Variants in DARS1 observed in about 807,000 individuals in gnomAD.
DARS1 encodes aspartate--tRNA ligase, cytoplasmic.
In DARS1, 51 loss-of-function variants were observed where a neutral mutation model predicts 68.8. The observed-to-expected ratio is 0.74, with a 90% confidence interval of 0.59 to 0.94. The LOEUF (loss-of-function observed/expected upper bound fraction) is 0.94. DARS1 is among the 40% of genes least tolerant of loss of function. DARS1 has a pLI of 0.00. For missense variants in DARS1, 607 were observed against 597.3 expected (o/e 1.02, Z -0.17); for synonymous variants, 203 against 190.4 (o/e 1.07, Z -0.55).
intron 4 of DARS1, among the ~76,000 whole-genome samples, chr2:135,944,702 A>T (rs576341688): frequency 2.0e-5 from 3 of 152,310 alleles, no homozygotes; most frequent in Admixed American, 6.5e-5. Flanking sequence ...ATGGCAAAAG[A>T]AGTAGTTGGT....
intron 3 of DARS1, among the ~76,000 whole-genome samples, chr2:135,968,972 T>C (rs1682301842): frequency 6.6e-6 from 1 of 152,086 alleles, no homozygotes; most frequent in African/African-American, 2.4e-5. Context: ...CAGGATTAAG[T>C]TTCAATATAG....
At chr2:135,924,919 T>C (rs1416755121) in intron 7 of DARS1, among the ~76,000 whole-genome samples, 2 of 152,226 alleles carry the variant, frequency 1.3e-5, no homozygotes. Context: ...ATAAAAACCA[T>C]GTATTTTTAT....
chr2:135,914,670 A>T, intron 11 of DARS1, 159 bp from the exon 12 acceptor site: 1 of 628,246 alleles, frequency 1.6e-6, no homozygotes. Flanking sequence ...AGTACTACTG[A>T]AAATCACTTA....
chr2:135,943,524 G>A, intron 4 of DARS1, 44 bp from the exon 5 acceptor site: 1 of 1,597,892 alleles, frequency 6.3e-7, no homozygotes, highest in Non-Finnish European at 8.5e-7. Flanking sequence ...CTCATCAGAG[G>A]TGTCAGAACT....
At chr2:135,921,091 T>C (rs1681102472) in intron 9 of DARS1, among the ~76,000 whole-genome samples, 2 of 150,036 alleles carry the variant, frequency 1.3e-5, no homozygotes, top group Non-Finnish European at 3.0e-5. Flanking sequence ...CTGAGGATAT[T>C]AAGAGCCATT....
In DARS1 at chr2:135,907,360, G is replaced by A; in HGVS notation, c.1462C>T (p.Gln488Ter). Residue 488 changes from glutamine (Q) to a stop codon, truncating the protein, a stop_gained, in exon 16 of 16, where the codon CAG becomes TAG. Coordinates refer to ENST00000264161, the MANE Select transcript of DARS1 (RefSeq NM_001349.4). LOFTEE classifies it high-confidence loss of function. ...GGATCACGAGGGAACATGGAGGTCT[G>A]ACGAACATTATGCAATCCCAGAAAC... Reference protein sequence around the residue: ...MLFLGLHNVRQTSMFPRDPKR... With the variant: ...MLFLGLHNVR The A allele has an allele frequency of 6.2e-7, 1 of 1,605,530 alleles. No individual in the cohort carries two copies. Among genetic ancestry groups the A allele is most frequent in the Non-Finnish European group, 8.5e-7 (1 of 1,175,086 alleles).
At chr2:135,967,532 C>T (rs1233139062) in intron 3 of DARS1, among the ~76,000 whole-genome samples, 1 of 152,124 alleles carries the variant, frequency 6.6e-6, no homozygotes, top group African/African-American at 2.4e-5. Flanking sequence ...TTTCTCCTTG[C>T]TCCTATTTAA....
chr2:135,958,128 G>C (rs975891389), intron 4 of DARS1, among the ~76,000 whole-genome samples: 6 of 152,104 alleles, frequency 3.9e-5, no homozygotes, highest in Non-Finnish European at 8.8e-5. Flanking sequence ...TCTGCAAAGA[G>C]TAATCTAAGA....
At chr2:135,978,142 C>CAAAA (rs59505882) in intron 3 of DARS1, among the ~76,000 whole-genome samples, 13 of 54,722 alleles carry the variant, frequency 2.4e-4, no homozygotes, top group African/African-American at 2.9e-4. Flanking sequence ...GACTCTGTCT[C>CAAAA]AAAAAAAAAA....
intron 2 of DARS1, among the ~76,000 whole-genome samples, chr2:135,981,289 T>C (rs1682624857): frequency 2.6e-5 from 4 of 152,198 alleles, no homozygotes; most frequent in Non-Finnish European, 1.5e-5. Flanking sequence ...GGAAGTACAG[T>C]TGAGAAAGAC....
chr2:135,913,677 G>C (rs185203871), intron 12 of DARS1, among the ~76,000 whole-genome samples: 1 of 152,018 alleles, frequency 6.6e-6, no homozygotes, highest in African/African-American at 2.4e-5. Context: ...AGAATCGCTT[G>C]AACCCAGGGG....
chr2:135,912,092 G>T (rs756882655), intron 13 of DARS1, among the ~76,000 whole-genome samples: 3 of 151,914 alleles, frequency 2.0e-5, no homozygotes, highest in Non-Finnish European at 4.4e-5. Flanking sequence ...CACTGCAATG[G>T]AAAAACGGTA....
At chr2:135,985,086 G>A (rs76496496) in intron 1 of DARS1, 10,578 of 434,566 alleles carry the variant, frequency 0.024, 201 homozygotes, top group Middle Eastern at 0.047. Flanking sequence ...TTACGTGCAG[G>A]ACGTGCCTAA....
intron 3 of DARS1, among the ~76,000 whole-genome samples, chr2:135,969,715 A>C (rs1336279891): frequency 1.3e-5 from 2 of 152,118 alleles, no homozygotes; most frequent in Non-Finnish European, 2.9e-5. Context: ...CACTCACTGC[A>C]ATTACATAAA....
intron 3 of DARS1, among the ~76,000 whole-genome samples, chr2:135,974,796 C>CA (rs1192701168): frequency 6.6e-6 from 1 of 152,062 alleles, no homozygotes; most frequent in Non-Finnish European, 1.5e-5. Context: ...CTCTTCGCCT[C>CA]AAAAAACTGA....
chr2:135,931,298 A>T (rs141910325), intron 7 of DARS1, among the ~76,000 whole-genome samples: 2 of 152,278 alleles, frequency 1.3e-5, no homozygotes, highest in African/African-American at 4.8e-5. Flanking sequence ...GTGCAGTGGT[A>T]CAAACATAGC....
Position 135,912,548 on chromosome 2 carries a change from T to A in DARS1, c.1168A>T (p.Ile390Phe). Residue 390 changes from isoleucine (I) to phenylalanine (F), a missense_variant, in exon 13 of 16, where the codon ATT becomes TTT. By Grantham distance (21) the Ile-to-Phe change is conservative. Coordinates refer to ENST00000264161, the MANE Select transcript of DARS1 (RefSeq NM_001349.4). The part of the protein sequence containing the change: ...VKEKYDTDFY[I>F]LDKYPLAVRP... The stretch of plus-strand genomic sequence containing the variant: ...ACAGCCAATGGATATTTATCAAGAA[T>A]ATAAAAATCTGTATCATACTATAAA... 1 of 977,340 alleles carries A rather than the reference T, an allele frequency of 1.0e-6. No individual in the cohort carries two copies. Among genetic ancestry groups the A allele is most frequent in the Non-Finnish European group, 1.6e-6 (1 of 612,452 alleles). The allele number at this position is 977,340 out of a possible 1,614,324, so 60.5% of individuals were successfully genotyped here. A position where few individuals can be genotyped will look rare whatever the true frequency, so the allele number is the denominator to read the frequency against.
intron 3 of DARS1, among the ~76,000 whole-genome samples, chr2:135,973,432 T>C (rs577942588): frequency 1.3e-5 from 2 of 150,814 alleles, no homozygotes; most frequent in South Asian, 2.1e-4. Flanking sequence ...GGAAGGGTAA[T>C]AGGGGTTGAA....
intron 3 of DARS1, among the ~76,000 whole-genome samples, chr2:135,972,728 G>A (rs1175174323): frequency 6.6e-6 from 1 of 151,840 alleles, no homozygotes; most frequent in African/African-American, 2.4e-5. Flanking sequence ...CAACTCTACA[G>A]GAAAAAAATC....
Sources: gnomAD v4.1 joint callset for allele counts (sites outside exome capture counted in the v4.1 genomes callset) on GRCh38, gnomAD v4.1.1 for gene constraint, MANE v1.5 for transcripts, NCBI Gene and HGNC (gene_info 2026-07-23, HGNC 2026-07-21) for gene names.